Variants in DTNA observed in about 807,000 individuals in gnomAD.
DTNA encodes the protein dystrobrevin alpha.
Under a neutral mutation model 100.7 loss-of-function variants are expected in DTNA, and 43 were observed. The ratio of observed to expected loss-of-function variants is 0.43; its 90% CI spans 0.33 to 0.55. The LOEUF (loss-of-function observed/expected upper bound fraction) is 0.55. DTNA is among the 20% of genes least tolerant of loss of function. The pLI, the probability that DTNA is intolerant of heterozygous loss-of-function variation, is 0.04. For synonymous variants in DTNA, 349 were observed against 347.9 expected, an observed-to-expected ratio of 1.00 and a Z score of -0.04; for missense variants, 798 against 953.9, an observed-to-expected ratio of 0.84 and a Z score of 2.15.
chr18:34,612,925 A>G (rs1349791443), intron 1 of DTNA, among the ~76,000 whole-genome samples: 1 of 152,304 alleles, frequency 6.6e-6, no homozygotes, highest in East Asian at 1.9e-4. Flanking sequence ...TTAAAAACAT[A>G]TACAGTCATA....
chr18:34,778,367 G>A (rs1053783994), intron 3 of DTNA, among the ~76,000 whole-genome samples: 2 of 152,082 alleles, frequency 1.3e-5, no homozygotes, highest in Admixed American at 1.3e-4. Flanking sequence ...GAGTGGCACC[G>A]ATTGTCTCCA....
intron 1 of DTNA, among the ~76,000 whole-genome samples, chr18:34,515,588 T>G (rs1045085154): frequency 6.6e-6 from 1 of 152,146 alleles, no homozygotes; most frequent in Non-Finnish European, 1.5e-5. Flanking sequence ...AATATGTTAC[T>G]GTTGTTCTCT....
rs111525861 is a variant in DTNA at position 34,531,732 on chromosome 18, T to G, written c.-2+38218T>G. Among the ~76,000 whole-genome samples the G allele has an allele frequency of 4.9e-3, 741 of 152,262 alleles. 2 individuals are homozygous for G. Among genetic ancestry groups the G allele is most frequent in the Admixed American group, 0.01 (153 of 15,284 alleles). On this transcript the variant is annotated intron_variant, in intron 1 of 19. Transcript: ENST00000283365. ...AATTCATTTATTATTCTCTGTCCACTCAGGCAGGAATTTTAAACCCTTTCT... is the reference window on the plus strand; with the variant it reads ...AATTCATTTATTATTCTCTGTCCACGCAGGCAGGAATTTTAAACCCTTTCT...
chr18:34,574,658 A>T (rs1199454539), intron 1 of DTNA: 1 of 152,210 alleles, frequency 6.6e-6, no homozygotes, highest in Non-Finnish European at 1.5e-5. Context: ...TTATTTTAAC[A>T]GTCTCTGTCT....
At chr18:34,806,176 G>GTTTTGT (rs777057682) in intron 4 of DTNA, 43 bp from the exon 5 acceptor site, 54 of 1,552,296 alleles carry the variant, frequency 3.5e-5, no homozygotes, top group Non-Finnish European at 4.5e-5. Flanking sequence ...TCATGGTTTT[G>GTTTTGT]TTTTGTTTTT....
chr18:34,669,264 T>A (rs1341718834), intron 1 of DTNA, among the ~76,000 whole-genome samples: 1 of 152,168 alleles, frequency 6.6e-6, no homozygotes, highest in East Asian at 1.9e-4. Context: ...CCTTTTTTTG[T>A]TTTCCATTTG....
intron 2 of DTNA, chr18:34,757,052 CA>C (rs749216237): frequency 1.9e-4 from 29 of 152,068 alleles, no homozygotes; most frequent in Non-Finnish European, 2.9e-4. Flanking sequence ...TATCATTCCC[CA>C]ATAATCTGGT....
chr18:34,786,299 T>G (rs1168517994), intron 3 of DTNA, among the ~76,000 whole-genome samples: 1 of 152,188 alleles, frequency 6.6e-6, no homozygotes, highest in African/African-American at 2.4e-5. Flanking sequence ...TGAAAGAACA[T>G]AATATGGCAC....
At position 34,779,752 on chromosome 18, in the gene DTNA, C is replaced by A. The variant is rs573385631; in HGVS notation, c.148+13711C>A. The stretch of plus-strand genomic sequence containing the variant: ...AGATAATGTTGGTTCTTGGCACTAT[C>A]TTTGCATTTAAAAGGGAAAAAATTT... On this transcript the variant is annotated intron_variant, in intron 3 of 22. Coordinates refer to ENST00000444659, the MANE Select transcript of DTNA (RefSeq NM_001386795.1). Among the ~76,000 whole-genome samples, 37 of 152,272 alleles carry A rather than the reference C, an allele frequency of 2.4e-4. 1 individual carries two copies. The East Asian group carries it at 6.8e-3, about 28-fold the overall frequency.
At position 34,843,968 on chromosome 18, in the gene DTNA, A is replaced by C. The variant is rs562792185; in HGVS notation, c.1347-4328A>C. 4.6e-5 allele frequency among the ~76,000 whole-genome samples: 7 copies of C among 152,300 alleles called. No individual in the cohort carries two copies. The East Asian group carries it at 1.3e-3, about 29-fold the overall frequency. On this transcript the variant is annotated intron_variant, in intron 13 of 22. Transcript: ENST00000444659. The stretch of plus-strand genomic sequence containing the variant: ...CACTTACTGACAGTGTCTCTTTTAT[A>C]TGAGTTTTCATTTCCTGTTAACACG...
chr18:34,504,433 CTTT>C (rs1003447640), intron 1 of DTNA, among the ~76,000 whole-genome samples: 1 of 152,110 alleles, frequency 6.6e-6, no homozygotes, highest in Non-Finnish European at 1.5e-5. Flanking sequence ...TTACCATGTT[CTTT>C]TTTCTTGATG....
chr18:34,871,009 G>T (rs758595668), intron 17 of DTNA, among the ~76,000 whole-genome samples: 2 of 152,212 alleles, frequency 1.3e-5, no homozygotes, highest in Admixed American at 1.3e-4. Context: ...TTGGAAGAAA[G>T]GATAAAAACA....
In DTNA at chr18:34,879,645, T is replaced by C; in HGVS notation, c.2088T>C (p.Phe696=). ...LVPSPTSEKA[F]LAQIHARKPG... ...CCTCACCAACCTCTGAAAAGGCTTTTCTAGCGCAAATCCATGCCCGAAAAC... is the reference window on the plus strand; with the variant it reads ...CCTCACCAACCTCTGAAAAGGCTTTCCTAGCGCAAATCCATGCCCGAAAAC... Residue 696 remains phenylalanine, a synonymous_variant, in exon 20 of 23, where the codon TTT becomes TTC. Coordinates refer to ENST00000444659, the MANE Select transcript of DTNA (RefSeq NM_001386795.1). The C allele has an allele frequency of 1.2e-6, 2 of 1,614,138 alleles. No homozygotes were observed. Among genetic ancestry groups the C allele is most frequent in the Non-Finnish European group, 1.7e-6 (2 of 1,180,016 alleles).
chr18:34,556,031 T>A (rs1426236888), intron 1 of DTNA, among the ~76,000 whole-genome samples: 4 of 151,202 alleles, frequency 2.6e-5, no homozygotes, highest in Middle Eastern at 3.4e-3. Flanking sequence ...CACTCAGGAC[T>A]TGCTTTATGA....
intron 1 of DTNA, among the ~76,000 whole-genome samples, chr18:34,519,890 A>G (rs2041999704): frequency 6.6e-6 from 1 of 152,196 alleles, no homozygotes; most frequent in South Asian, 2.1e-4. Flanking sequence ...TGCTGGAGGC[A>G]CACCCGGGTT....
intron 1 of DTNA, among the ~76,000 whole-genome samples, chr18:34,736,181 A>T (rs948083639): frequency 6.6e-6 from 1 of 152,166 alleles, no homozygotes; most frequent in Non-Finnish European, 1.5e-5. Flanking sequence ...GCTAACACTG[A>T]TAAGTATTAT....
intron 1 of DTNA, among the ~76,000 whole-genome samples, chr18:34,667,522 C>A (rs1029886371): frequency 7.9e-5 from 12 of 152,162 alleles, no homozygotes; most frequent in African/African-American, 2.9e-4. Flanking sequence ...GGGAATGCTT[C>A]CAGTTTTTGC....
intron 4 of DTNA, among the ~76,000 whole-genome samples, chr18:34,803,122 T>C (rs2095268009): frequency 6.6e-6 from 1 of 152,174 alleles, no homozygotes; most frequent in Admixed American, 6.5e-5. Context: ...TTTGGTGTGC[T>C]TGCCACGACC....
At chr18:34,819,610 A>C (rs377720340) in intron 8 of DTNA, among the ~76,000 whole-genome samples, 2 of 151,704 alleles carry the variant, frequency 1.3e-5, no homozygotes, top group South Asian at 4.2e-4. Flanking sequence ...TAAATGCTAA[A>C]TCTACATAAG....
Sources: gnomAD v4.1 joint callset for allele counts (sites outside exome capture counted in the v4.1 genomes callset) on GRCh38, gnomAD v4.1.1 for gene constraint, MANE v1.5 for transcripts, NCBI Gene and HGNC (gene_info 2026-07-23, HGNC 2026-07-21) for gene names.